The following MYOM2 variants were observed in gnomAD, a reference collection of about 807,000 sequenced individuals.
MYOM2 encodes the protein myomesin-2.
A neutral mutation model predicts 187.6 loss-of-function variants in MYOM2; 254 were observed. That is an observed-to-expected ratio of 1.35 (90% CI 1.22 to 1.50). MYOM2 has a LOEUF of 1.50. Ranked by LOEUF, MYOM2 falls within the 40% of genes most tolerant of loss-of-function variation. MYOM2 has a pLI of 0.00. For missense variants in MYOM2, 2,796 were observed against 1,924.0 expected, an observed-to-expected ratio of 1.45 and a Z score of -8.48; for synonymous variants, 981 against 753.8, an observed-to-expected ratio of 1.30 and a Z score of -4.94.
Position 2,123,234 on chromosome 8 carries a change from A to C in MYOM2, c.3454-18A>C, listed in dbSNP as rs1461070258. On this transcript the variant is annotated intron_variant, in intron 28 of 36. Transcript: ENST00000262113. Reference sequence around the variant, plus strand: ...TCAGAATGATTTACACACTAAACTTAAGCTTTCTACCTCACAGGTTGCAAA... The same window carrying C: ...TCAGAATGATTTACACACTAAACTTCAGCTTTCTACCTCACAGGTTGCAAA... 1 of 1,537,788 alleles carries C rather than the reference A, an allele frequency of 6.5e-7. No homozygotes were observed. Among genetic ancestry groups the C allele is most frequent in the Non-Finnish European group, 9.0e-7 (1 of 1,116,694 alleles).
At chr8:2,083,484 C>T (rs1819704654) in intron 13 of MYOM2, among the ~76,000 whole-genome samples, 1 of 150,978 alleles carries the variant, frequency 6.6e-6, no homozygotes, top group Admixed American at 6.6e-5. Context: ...TCGCATATGT[C>T]TAATGGCATC....
At chr8:2,069,664 C>T (rs1364889300) in intron 8 of MYOM2, among the ~76,000 whole-genome samples, 167 bp downstream of exon 8, 1 of 151,944 alleles carries the variant, frequency 6.6e-6, no homozygotes, top group East Asian at 1.9e-4. Flanking sequence ...TCACCATAAG[C>T]TCCGCCTCCC....
chr8:2,073,235 T>A, intron 9 of MYOM2, 104 bp from the exon 10 acceptor site: 7 of 1,291,706 alleles, frequency 5.4e-6, no homozygotes, highest in Non-Finnish European at 7.5e-6. Context: ...GGTGTCCAGC[T>A]CGACTGTCCT....
At chr8:2,075,364 A>G (rs1329972187) in intron 10 of MYOM2, among the ~76,000 whole-genome samples, 1 of 152,192 alleles carries the variant, frequency 6.6e-6, no homozygotes, top group African/African-American at 2.4e-5. Flanking sequence ...CAGGAGGAAA[A>G]TAAGGCAAAG....
rs553389466 is a variant in MYOM2 at position 2,099,054 on chromosome 8, G to T, written c.2440+71G>T. 3 of 1,479,488 alleles carry T rather than the reference G, an allele frequency of 2.0e-6. No individual in the cohort carries two copies. The Admixed American group carries it at 6.8e-5, about 34-fold the overall frequency. 91.6% of individuals were successfully genotyped at this position (1,479,488 alleles called of 1,614,324 possible). A position where few individuals can be genotyped will look rare whatever the true frequency, so the allele number is the denominator to read the frequency against. ...GCTGGGAAGGGGCCTCTGTGGCTGC[G>T]ACTCTGGACTCGCCAGCCTTCACAG... is the stretch of plus-strand genomic sequence containing the variant. On this transcript the variant is annotated intron_variant, in intron 19 of 36. Coordinates refer to ENST00000262113, the MANE Select transcript of MYOM2 (RefSeq NM_003970.4).
intron 36 of MYOM2, 48 bp from the exon 37 acceptor site, chr8:2,144,616 T>G (rs1798390946): frequency 6.3e-7 from 1 of 1,596,344 alleles, no homozygotes; most frequent in Non-Finnish European, 8.5e-7. Flanking sequence ...GTGACATGAC[T>G]TTCCTTTTTC....
chr8:2,123,603 A>G lies in MYOM2; in HGVS notation c.3616A>G (p.Arg1206Gly), dbSNP rs370898293. The part of the protein sequence containing the change: ...GEYKATLKDD[R>G]GQDVSILEIA... ...ATACAAGGCAACCTTGAAAGATGAC[A>G]GAGGCCAAGATGTGTCCATCCTTGA... The change falls in exon 30 of 37, where the codon AGA becomes GGA. Residue 1206 changes from arginine (R) to glycine (G), a missense_variant. Coordinates refer to ENST00000262113, the MANE Select transcript of MYOM2 (RefSeq NM_003970.4). 13 of 1,614,204 alleles carry G rather than the reference A, an allele frequency of 8.1e-6. No homozygotes were observed. Among genetic ancestry groups the G allele is most frequent in the Middle Eastern group, 3.3e-4 (2 of 6,062 alleles).
chr8:2,134,684 T>C (rs923099985), intron 32 of MYOM2, among the ~76,000 whole-genome samples: 1 of 152,212 alleles, frequency 6.6e-6, no homozygotes, highest in Non-Finnish European at 1.5e-5. Flanking sequence ...TCAGGGATGC[T>C]GACTTTGTTC....
At chr8:2,114,121 G>A (rs1051461843) in intron 25 of MYOM2, among the ~76,000 whole-genome samples, 4 of 152,200 alleles carry the variant, frequency 2.6e-5, no homozygotes, top group Admixed American at 1.3e-4. Flanking sequence ...GGCTGCATTC[G>A]GGTGAGGTGG....
intron 14 of MYOM2, among the ~76,000 whole-genome samples, chr8:2,089,478 A>G (rs923068653): frequency 6.6e-5 from 10 of 152,228 alleles, no homozygotes; most frequent in South Asian, 2.1e-4. Context: ...ATTAGACTAA[A>G]GATCTTTATA....
chr8:2,134,131 A>G (rs1340555857), intron 32 of MYOM2, among the ~76,000 whole-genome samples: 4 of 152,096 alleles, frequency 2.6e-5, no homozygotes, highest in African/African-American at 4.8e-5. Flanking sequence ...ACCAATTCAG[A>G]TTGCACCTTT....
At chr8:2,051,630 TG>T (rs1489103651) in intron 2 of MYOM2, among the ~76,000 whole-genome samples, 1 of 152,218 alleles carries the variant, frequency 6.6e-6, no homozygotes, top group Non-Finnish European at 1.5e-5. Context: ...CCAGCAGCCT[TG>T]GGGTGTCTCA....
In MYOM2 at chr8:2,059,279, T is replaced by C. The variant is rs761491035; in HGVS notation, c.653+34T>C. 8 of 1,593,598 alleles carry C rather than the reference T, an allele frequency of 5.0e-6. No individual in the cohort carries two copies. The East Asian group carries it at 1.3e-4, about 27-fold the overall frequency. On this transcript the variant is annotated intron_variant, in intron 6 of 36. Coordinates refer to ENST00000262113, the MANE Select transcript of MYOM2 (RefSeq NM_003970.4). Reference sequence around the variant, plus strand: ...GTGGTGGGGGCTCTGGACGCTGGCGTCCAGTAATCAGCATTGCAGACCCCA... The same window carrying C: ...GTGGTGGGGGCTCTGGACGCTGGCGCCCAGTAATCAGCATTGCAGACCCCA...
At chr8:2,107,565 C>T (rs1286556506) in intron 23 of MYOM2, among the ~76,000 whole-genome samples, 3 of 152,092 alleles carry the variant, frequency 2.0e-5, no homozygotes, top group African/African-American at 7.2e-5. Flanking sequence ...GCCAGAATCA[C>T]ACTCTCGGCT....
intron 1 of MYOM2, among the ~76,000 whole-genome samples, chr8:2,048,843 G>A (rs1316467686): frequency 1.3e-5 from 2 of 150,778 alleles, no homozygotes; most frequent in Non-Finnish European, 2.9e-5. Context: ...AGGCTGGAAT[G>A]CAGTGGCGCG....
Position 2,115,537 on chromosome 8 carries a change from C to G in MYOM2, c.3181-423C>G, listed in dbSNP as rs570368571. ...GCTGGGGCTTGTGGGTGCTGTGTCC[C>G]GGGAGCTGAAGATGACAGTGGCTGT... On this transcript the variant is annotated intron_variant, in intron 25 of 36. Transcript: ENST00000262113. 9.2e-5 allele frequency among the ~76,000 whole-genome samples: 14 copies of G among 152,334 alleles called. No homozygotes were observed. The South Asian group carries it at 1.5e-3, about 16-fold the overall frequency.
intron 1 of MYOM2, among the ~76,000 whole-genome samples, chr8:2,049,461 A>C (rs1237996330): frequency 6.6e-6 from 1 of 152,176 alleles, no homozygotes; most frequent in African/African-American, 2.4e-5. Flanking sequence ...GGAGCAATTT[A>C]TGTACTGTGG....
rs113101593 is a variant in MYOM2, at chr8:2,076,141, A to G, written c.1121A>G (p.Asp374Gly). The G allele has an allele frequency of 6.2e-7, 1 of 1,611,296 alleles. No homozygotes were observed. Among genetic ancestry groups the G allele is most frequent in the South Asian group, 1.1e-5 (1 of 90,596 alleles). The change falls in exon 11 of 37, where the codon GAT becomes GGT. Residue 374 changes from aspartate (D) to glycine (G), a missense_variant and splice_region_variant. Coordinates refer to ENST00000262113, the MANE Select transcript of MYOM2 (RefSeq NM_003970.4). ...SDHSAFLFVR[D>G]ADPLVTGAPG... ...GTGCCTTTTCTCTCCCTGCCCCAAG[A>G]TGCTGACCCGCTGGTCACAGGGGCC...
intron 17 of MYOM2, among the ~76,000 whole-genome samples, chr8:2,095,663 T>A (rs1418786925): frequency 6.6e-6 from 1 of 152,142 alleles, no homozygotes; most frequent in Non-Finnish European, 1.5e-5. Flanking sequence ...ATGGCCACAT[T>A]GAGGTGACTC....
Sources: allele counts gnomAD v4.1 joint callset (sites outside exome capture counted in the v4.1 genomes callset), GRCh38; gene constraint gnomAD v4.1.1; transcripts MANE v1.5; gene names NCBI Gene and HGNC (gene_info 2026-07-23, HGNC 2026-07-21).